SH3D19: variants seen among roughly 807,000 people sequenced by gnomAD.
SH3D19 encodes SH3 domain containing 19, also known as SH3 domain-containing protein 19.
A neutral mutation model predicts 112.1 loss-of-function variants in SH3D19; 58 were observed. That is an observed-to-expected ratio of 0.52 (90% CI 0.42 to 0.64). SH3D19 has a LOEUF of 0.64. Among genes scored for constraint, SH3D19 ranks in the 30% least tolerant of loss-of-function variants. SH3D19 has a pLI of 0.00. For synonymous variants in SH3D19, 391 were observed against 448.5 expected (o/e 0.87, Z 1.62); for missense variants, 1,090 against 1,263.4 (o/e 0.86, Z 2.08).
chr4:151,138,985 G>A (rs1221072959), intron 13 of SH3D19, among the ~76,000 whole-genome samples: 2 of 151,780 alleles, frequency 1.3e-5, no homozygotes, highest in Non-Finnish European at 2.9e-5. Context: ...GCGTCACCAT[G>A]CCCGGCTACT....
intron 1 of SH3D19, among the ~76,000 whole-genome samples, chr4:151,304,740 T>A (rs969511292): frequency 1.3e-5 from 2 of 152,132 alleles, no homozygotes; most frequent in African/African-American, 4.8e-5. Flanking sequence ...CTCCCACATA[T>A]TCCTGGGAAT....
At position 151,128,166 on chromosome 4, in the gene SH3D19, A is replaced by G. The variant is rs1749843165; in HGVS notation, c.2929+4T>C. The G allele has an allele frequency of 1.3e-6, 2 of 1,591,532 alleles. No homozygotes were observed. Among genetic ancestry groups the G allele is most frequent in the Non-Finnish European group, 1.7e-6 (2 of 1,169,062 alleles). On this transcript the variant is annotated splice_donor_region_variant and intron_variant, in intron 18 of 19. Transcript: ENST00000604030. ...GTCGCATTCATGTCTTGCGGTTGTC[A>G]TACCTGGGCAGGGCCTCACAAACAC...
intron 17 of SH3D19, 146 bp from the exon 18 acceptor site, chr4:151,128,502 T>TA (rs1749916711): frequency 3.8e-6 from 2 of 519,598 alleles, no homozygotes; most frequent in Non-Finnish European, 6.4e-6. Context: ...TCTAATACTT[T>TA]ATGTTGCTAT....
At chr4:151,227,850 C>A (rs2149952418) in intron 1 of SH3D19, 1 of 985,428 alleles carries the variant, frequency 1.0e-6, no homozygotes, top group Non-Finnish European at 1.2e-6. Context: ...CATGTAATAG[C>A]AAATTTCCCC....
intron 2 of SH3D19, among the ~76,000 whole-genome samples, chr4:151,202,182 A>G (rs1032644857): frequency 6.6e-6 from 1 of 152,070 alleles, no homozygotes; most frequent in Non-Finnish European, 1.5e-5. Context: ...AAAAATACAA[A>G]AAATTAGCCG....
chr4:151,276,758 C>CA (rs1773662919), intron 1 of SH3D19, among the ~76,000 whole-genome samples: 1 of 152,138 alleles, frequency 6.6e-6, no homozygotes, highest in Non-Finnish European at 1.5e-5. Flanking sequence ...TGAAAACAAA[C>CA]AAACAAAAAA....
intron 2 of SH3D19, among the ~76,000 whole-genome samples, chr4:151,191,817 T>C (rs1418789296): frequency 1.3e-5 from 2 of 151,926 alleles, no homozygotes; most frequent in African/African-American, 4.8e-5. Context: ...AGCTAAATTT[T>C]TGTATTTTTA....
chr4:151,123,093 G>A (rs1461766808), intron 19 of SH3D19, among the ~76,000 whole-genome samples: 2 of 152,066 alleles, frequency 1.3e-5, no homozygotes, highest in East Asian at 1.9e-4. Context: ...CTTGTGATCC[G>A]CCCACCTTGG....
chr4:151,309,065 C>T (rs888749021), intron 1 of SH3D19, among the ~76,000 whole-genome samples: 3 of 152,136 alleles, frequency 2.0e-5, no homozygotes, highest in Admixed American at 6.5e-5. Context: ...GATGGGGTTT[C>T]GCCATGTTGG....
At chr4:151,313,627 A>G (rs1729715468) in intron 1 of SH3D19, among the ~76,000 whole-genome samples, 1 of 152,076 alleles carries the variant, frequency 6.6e-6, no homozygotes, top group Non-Finnish European at 1.5e-5. Context: ...TTTGTTGCCC[A>G]GGCTGTGCAC....
intron 9 of SH3D19, among the ~76,000 whole-genome samples, chr4:151,152,679 T>C (rs1187003130): frequency 2.1e-5 from 3 of 143,150 alleles, no homozygotes; most frequent in South Asian, 2.2e-4. Flanking sequence ...CCACCATGCC[T>C]GGCTAATTTT....
chr4:151,179,451 G>T (rs765225832), intron 3 of SH3D19, 54 bp from the exon 4 acceptor site: 21 of 1,096,376 alleles, frequency 1.9e-5, no homozygotes, highest in Non-Finnish European at 2.2e-5. Flanking sequence ...TTTGGTAAGG[G>T]TTTAAATTTT....
At chr4:151,292,348 T>G (rs1462539260) in intron 1 of SH3D19, among the ~76,000 whole-genome samples, 2 of 152,070 alleles carry the variant, frequency 1.3e-5, no homozygotes, top group Admixed American at 1.3e-4. Context: ...ATATATGTAG[T>G]TCAGCCCTAT....
intron 1 of SH3D19, among the ~76,000 whole-genome samples, chr4:151,316,078 T>C (rs1729957334): frequency 6.6e-6 from 1 of 152,162 alleles, no homozygotes; most frequent in South Asian, 2.1e-4. Context: ...GCACTACCTC[T>C]GCCAGGTAAT....
At chr4:151,162,952 G>GAATA (rs1269258760) in intron 8 of SH3D19, among the ~76,000 whole-genome samples, 3 of 152,206 alleles carry the variant, frequency 2.0e-5, no homozygotes, top group Admixed American at 6.5e-5. Flanking sequence ...TGATAAAACA[G>GAATA]AATATATGGT....
intron 8 of SH3D19, among the ~76,000 whole-genome samples, chr4:151,164,782 G>A (rs890728281): frequency 1.4e-4 from 22 of 152,080 alleles, no homozygotes; most frequent in Non-Finnish European, 2.8e-4. Flanking sequence ...GTTTCACCAT[G>A]TTGGCCAGGA....
At chr4:151,143,115 TAGTCCC>T (rs1210049569) in intron 12 of SH3D19, among the ~76,000 whole-genome samples, 1 of 151,758 alleles carries the variant, frequency 6.6e-6, no homozygotes, top group Non-Finnish European at 1.5e-5. Context: ...TGCACGCCTG[TAGTCCC>T]AGCTACTCAG....
chr4:151,179,783 T>A (rs1760550013), intron 3 of SH3D19, among the ~76,000 whole-genome samples: 1 of 152,236 alleles, frequency 6.6e-6, no homozygotes, highest in Admixed American at 6.5e-5. Context: ...TATATGACTA[T>A]GCTTTTGTGA....
intron 1 of SH3D19, among the ~76,000 whole-genome samples, chr4:151,319,554 T>G (rs762960177): frequency 6.6e-6 from 1 of 152,194 alleles, no homozygotes; most frequent in Non-Finnish European, 1.5e-5. Context: ...CCACAGACTC[T>G]GAGAGGATAT....
Sources: gnomAD v4.1 joint callset for allele counts (sites outside exome capture counted in the v4.1 genomes callset) on GRCh38, gnomAD v4.1.1 for gene constraint, MANE v1.5 for transcripts, NCBI Gene and HGNC (gene_info 2026-07-23, HGNC 2026-07-21) for gene names.